Variants in BICRAL observed in about 807,000 individuals in gnomAD.
BICRAL encodes BRD4-interacting chromatin-remodeling complex-associated protein-like.
BICRAL carries 8 observed loss-of-function variants against 91.8 expected under a neutral mutation model. That is an observed-to-expected ratio of 0.09 (90% CI 0.05 to 0.16). BICRAL has a LOEUF of 0.16. Ranked by LOEUF, BICRAL falls within the 10% of genes least tolerant of loss-of-function variation. The pLI, the probability that BICRAL is intolerant of heterozygous loss-of-function variation, is 1.00. For synonymous variants in BICRAL, 445 were observed against 491.1 expected, an observed-to-expected ratio of 0.91 and a Z score of 1.24; for missense variants, 1,038 against 1,310.9, an observed-to-expected ratio of 0.79 and a Z score of 3.21.
At chr6:42,785,931 T>C (rs1329041128) in intron 1 of BICRAL, among the ~76,000 whole-genome samples, 2 of 152,166 alleles carry the variant, frequency 1.3e-5, no homozygotes, top group Non-Finnish European at 2.9e-5. Context: ...GGCACATGCC[T>C]GTAATCTCAG....
chr6:42,803,351 A>G (rs1009981721), intron 1 of BICRAL, among the ~76,000 whole-genome samples: 2 of 152,110 alleles, frequency 1.3e-5, no homozygotes, highest in Non-Finnish European at 1.5e-5. Flanking sequence ...AGATGTGGGG[A>G]ATCAGTTGAT....
Position 42,840,336 on chromosome 6 carries a change from G to A in BICRAL, c.1839+10164G>A, listed in dbSNP as rs377269330. Among the ~76,000 whole-genome samples, 179 of 149,048 alleles carry A rather than the reference G, an allele frequency of 1.2e-3. 3 individuals are homozygous for A. In the South Asian group the frequency reaches 0.036, roughly 30 times the overall value. On this transcript the variant is annotated intron_variant, in intron 6 of 12. Transcript: ENST00000314073. ...TGGCCCACTGCAACCTCTGCCTCCC[G>A]GGTTCAAGCTATTCTCCTGCCTCAG... is the stretch of plus-strand genomic sequence containing the variant.
chr6:42,828,736 C>A lies in BICRAL; in HGVS notation c.403C>A (p.Gln135Lys). The A allele has an allele frequency of 6.2e-7, 1 of 1,614,200 alleles. No homozygotes were observed. Among genetic ancestry groups the A allele is most frequent in the Non-Finnish European group, 8.5e-7 (1 of 1,180,030 alleles). The change falls in exon 6 of 13, where the codon CAG (glutamine) becomes AAG (lysine). Residue 135 changes from glutamine to lysine, a missense_variant. This residue lies in a region of BICRAL where 532 missense variants were observed against 724.9 expected (regional missense o/e 0.73). Coordinates refer to ENST00000314073, the MANE Select transcript of BICRAL (RefSeq NM_001393499.1). The part of the protein sequence containing the change: ...YLDASIGSSQ[Q>K]FAQAQLHPSS... Reference sequence around the variant, plus strand: ...GGATGCCAGTATAGGTTCAAGCCAACAGTTTGCACAAGCTCAGCTTCATCC... The same window carrying A: ...GGATGCCAGTATAGGTTCAAGCCAAAAGTTTGCACAAGCTCAGCTTCATCC...
At chr6:42,815,471 C>T (rs185352824) in intron 2 of BICRAL, among the ~76,000 whole-genome samples, 30 of 152,028 alleles carry the variant, frequency 2.0e-4, no homozygotes, top group Admixed American at 7.2e-4. Context: ...GGATTACAGG[C>T]GTGAGCCACC....
intron 5 of BICRAL, among the ~76,000 whole-genome samples, chr6:42,824,631 C>A (rs1764238016): frequency 6.6e-6 from 1 of 152,210 alleles, no homozygotes; most frequent in Non-Finnish European, 1.5e-5. Context: ...CCTCAACATT[C>A]TTTCTAAAAT....
Position 42,809,539 on chromosome 6 carries a change from C to T in BICRAL, c.-101-767C>T, listed in dbSNP as rs574489065. On this transcript the variant is annotated intron_variant, in intron 1 of 12. Coordinates refer to ENST00000314073, the MANE Select transcript of BICRAL (RefSeq NM_001393499.1). ...GCAACCTCTGCCTCCCAGGTTCAAG[C>T]GATTCAGATTCAAGCCTCCTCACCT... is the stretch of plus-strand genomic sequence containing the variant. Among the ~76,000 whole-genome samples, 10 of 149,602 alleles carry T rather than the reference C, an allele frequency of 6.7e-5. No individual in the cohort carries two copies. In the East Asian group the frequency reaches 1.4e-3, roughly 21 times the overall value.
chr6:42,765,189 T>C (rs1226583191), intron 1 of BICRAL, among the ~76,000 whole-genome samples: 1 of 152,218 alleles, frequency 6.6e-6, no homozygotes, highest in East Asian at 1.9e-4. Context: ...GTAATAATAA[T>C]GAAAGTTTGC....
At chr6:42,833,636 C>T (rs948593927) in intron 6 of BICRAL, among the ~76,000 whole-genome samples, 1 of 151,664 alleles carries the variant, frequency 6.6e-6, no homozygotes, top group African/African-American at 2.4e-5. Flanking sequence ...TTAGTACAGA[C>T]AGGGTTTCTC....
At chr6:42,843,867 C>T (rs1256194087) in intron 6 of BICRAL, among the ~76,000 whole-genome samples, 3 of 148,572 alleles carry the variant, frequency 2.0e-5, no homozygotes, top group African/African-American at 5.0e-5. Flanking sequence ...AGCACGATCT[C>T]GGCTCACTGC....
chr6:42,808,227 G>A (rs1236489050), intron 1 of BICRAL, among the ~76,000 whole-genome samples: 2 of 151,708 alleles, frequency 1.3e-5, no homozygotes, highest in Non-Finnish European at 2.9e-5. Context: ...CACCTTCCAG[G>A]TTTAAGCGAT....
Position 42,856,960 on chromosome 6 carries a change from T to A in BICRAL, c.2109-131T>A, listed in dbSNP as rs908512822. The A allele has an allele frequency of 3.1e-5, 22 of 706,658 alleles. No homozygotes were observed. In the Middle Eastern group the frequency reaches 1.6e-3, roughly 52 times the overall value. 43.8% of individuals were successfully genotyped at this position (706,658 alleles called of 1,614,324 possible). ...ACTAAGTTATAAACCCACTATGGTA[T>A]AAAAAATATAAAACTAAAAAACTGC... is the stretch of plus-strand genomic sequence containing the variant. On this transcript the variant is annotated intron_variant, in intron 9 of 12. Transcript: ENST00000314073.
chr6:42,746,377 C>T (rs1416443207), upstream of BICRAL, among the ~76,000 whole-genome samples: 1 of 152,040 alleles, frequency 6.6e-6, no homozygotes, highest in Non-Finnish European at 1.5e-5. Flanking sequence ...GTTGCAGCAG[C>T]GGCAGCTGCA....
At chr6:42,855,549 G>GATA (rs764622724) in intron 8 of BICRAL, among the ~76,000 whole-genome samples, 1 of 150,964 alleles carries the variant, frequency 6.6e-6, no homozygotes, top group African/African-American at 2.4e-5. Flanking sequence ...CAAAAAACAT[G>GATA]ATGATGATGA....
intron 1 of BICRAL, among the ~76,000 whole-genome samples, chr6:42,788,886 G>T (rs1371609362): frequency 6.6e-6 from 1 of 152,016 alleles, no homozygotes; most frequent in Non-Finnish European, 1.5e-5. Flanking sequence ...TGAGTTAGTT[G>T]TGTGATTTTT....
chr6:42,785,562 CA>C (rs5875817), intron 1 of BICRAL, among the ~76,000 whole-genome samples: 161 of 126,706 alleles, frequency 1.3e-3, no homozygotes, highest in Middle Eastern at 4.3e-3. Context: ...ACTCCCATCT[CA>C]AAAAAAAAAA....
At chr6:42,772,845 T>A (rs1762756592) in intron 1 of BICRAL, among the ~76,000 whole-genome samples, 2 of 152,050 alleles carry the variant, frequency 1.3e-5, no homozygotes, top group African/African-American at 4.8e-5. Flanking sequence ...TCGAGGGAGA[T>A]TTTGGAAGTG....
chr6:42,748,108 T>TC, intron 1 of BICRAL, among the ~76,000 whole-genome samples: 1 of 150,890 alleles, frequency 6.6e-6, no homozygotes, highest in African/African-American at 2.4e-5. Context: ...CTGGCCCTTT[T>TC]TTTTTTTTTT....
At chr6:42,827,784 C>A (rs1464350328) in intron 5 of BICRAL, among the ~76,000 whole-genome samples, 1 of 152,092 alleles carries the variant, frequency 6.6e-6, no homozygotes, top group Non-Finnish European at 1.5e-5. Context: ...ACTCAGGAGG[C>A]CGAGATGGGA....
At chr6:42,837,241 T>G (rs1764668496) in intron 6 of BICRAL, among the ~76,000 whole-genome samples, 1 of 151,836 alleles carries the variant, frequency 6.6e-6, no homozygotes, top group African/African-American at 2.4e-5. Context: ...GCCACTGCAC[T>G]CAGTTTTTCT....
Sources: allele counts gnomAD v4.1 joint callset (sites outside exome capture counted in the v4.1 genomes callset), GRCh38; gene constraint gnomAD v4.1.1; regional missense constraint gnomAD v4.1.1; transcripts MANE v1.5; gene names NCBI Gene and HGNC (gene_info 2026-07-23, HGNC 2026-07-21).